Variants in ADAMTSL1 observed in about 807,000 individuals in gnomAD.
ADAMTSL1 encodes the protein ADAMTS like 1.
Under a neutral mutation model 201.8 loss-of-function variants are expected in ADAMTSL1, and 126 were observed. That is an observed-to-expected ratio of 0.62 (90% CI 0.54 to 0.72). The LOEUF (loss-of-function observed/expected upper bound fraction) is 0.72. Among genes scored for constraint, ADAMTSL1 ranks in the 30% least tolerant of loss-of-function variants. ADAMTSL1 has a pLI of 0.00. For synonymous variants in ADAMTSL1, 1,121 were observed against 903.4 expected (o/e 1.24, Z -4.32); for missense variants, 2,679 against 2,277.8 (o/e 1.18, Z -3.59).
At chr9:18,093,310 T>C (rs1387424022) in intron 1 of ADAMTSL1, among the ~76,000 whole-genome samples, 1 of 152,240 alleles carries the variant, frequency 6.6e-6, no homozygotes, top group African/African-American at 2.4e-5. Flanking sequence ...TTATCCTTTG[T>C]TATCTCATTC....
At chr9:18,010,732 T>C (rs950616947) in intron 1 of ADAMTSL1, among the ~76,000 whole-genome samples, 1 of 152,018 alleles carries the variant, frequency 6.6e-6, no homozygotes, top group African/African-American at 2.4e-5. Context: ...TTGTTCCATT[T>C]GGTCGATGTA....
intron 1 of ADAMTSL1, among the ~76,000 whole-genome samples, chr9:18,058,332 C>A (rs1234819349): frequency 6.6e-6 from 1 of 152,126 alleles, no homozygotes; most frequent in African/African-American, 2.4e-5. Context: ...TATAAGATTT[C>A]TACCAAGAGA....
chr9:18,489,725 T>C (rs1822175609), intron 1 of ADAMTSL1, among the ~76,000 whole-genome samples: 1 of 152,178 alleles, frequency 6.6e-6, no homozygotes, highest in African/African-American at 2.4e-5. Context: ...AAGTATTTGG[T>C]CATATTTCCC....
At chr9:18,231,269 C>G (rs181688346) in intron 2 of ADAMTSL1, among the ~76,000 whole-genome samples, 1 of 152,260 alleles carries the variant, frequency 6.6e-6, no homozygotes, top group East Asian at 1.9e-4. Flanking sequence ...TCCTCCCTAT[C>G]TCTCTAAATC....
At chr9:17,985,897 T>G (rs545732571) in intron 1 of ADAMTSL1, among the ~76,000 whole-genome samples, 2 of 152,154 alleles carry the variant, frequency 1.3e-5, no homozygotes, top group Non-Finnish European at 2.9e-5. Flanking sequence ...GAATCTGAAA[T>G]GCGTTGGCTA....
intron 4 of ADAMTSL1, among the ~76,000 whole-genome samples, chr9:18,585,717 C>A (rs13297702): frequency 0.058 from 8,823 of 152,120 alleles, 331 homozygotes; most frequent in Non-Finnish European, 0.086. Flanking sequence ...AAAATACTGG[C>A]AAACCCAATT....
At chr9:18,121,255 T>C (rs192784566) in intron 1 of ADAMTSL1, among the ~76,000 whole-genome samples, 1 of 152,330 alleles carries the variant, frequency 6.6e-6, no homozygotes, top group Non-Finnish European at 1.5e-5. Flanking sequence ...AAGCTGTGTG[T>C]AAAAGCCAGC....
At chr9:18,871,414 CTTCTTCA>C (rs1453438969) in intron 23 of ADAMTSL1, among the ~76,000 whole-genome samples, 1 of 152,102 alleles carries the variant, frequency 6.6e-6, no homozygotes, top group Non-Finnish European at 1.5e-5. Context: ...TCTCTTCTTC[CTTCTTCA>C]ATCACTGAAT....
intron 1 of ADAMTSL1, among the ~76,000 whole-genome samples, chr9:17,979,329 T>C (rs1818589833): frequency 6.6e-6 from 1 of 152,066 alleles, no homozygotes; most frequent in African/African-American, 2.4e-5. Flanking sequence ...GATGGTACCT[T>C]ATAAATTCCA....
At chr9:18,521,218 T>C (rs925013385) in intron 2 of ADAMTSL1, among the ~76,000 whole-genome samples, 1 of 152,108 alleles carries the variant, frequency 6.6e-6, no homozygotes, top group Admixed American at 6.6e-5. Flanking sequence ...TGTAAGCAAA[T>C]TTCTTATTAT....
intron 1 of ADAMTSL1, among the ~76,000 whole-genome samples, chr9:17,931,829 A>G (rs1290615716): frequency 6.6e-6 from 1 of 152,196 alleles, no homozygotes; most frequent in Admixed American, 6.6e-5. Flanking sequence ...GGTCAGAGCT[A>G]GACAATGATG....
intron 1 of ADAMTSL1, among the ~76,000 whole-genome samples, chr9:18,064,581 A>C (rs993095081): frequency 1.3e-5 from 2 of 152,152 alleles, no homozygotes; most frequent in Non-Finnish European, 2.9e-5. Context: ...TGAGAGCAGA[A>C]CTTCTCTCTC....
At chr9:18,436,805 A>G (rs1445360283) in intron 2 of ADAMTSL1, among the ~76,000 whole-genome samples, 3 of 152,100 alleles carry the variant, frequency 2.0e-5, no homozygotes, top group South Asian at 2.1e-4. Context: ...ACACTGTATT[A>G]TACAGCATTA....
intron 1 of ADAMTSL1, among the ~76,000 whole-genome samples, chr9:17,970,139 C>T (rs913345417): frequency 6.6e-6 from 1 of 151,934 alleles, no homozygotes. Context: ...ATCATTTTCC[C>T]CTAGTTCCCA....
intron 2 of ADAMTSL1, among the ~76,000 whole-genome samples, chr9:18,373,368 G>A (rs1360168796): frequency 6.6e-6 from 1 of 152,118 alleles, no homozygotes; most frequent in East Asian, 1.9e-4. Flanking sequence ...ACTTAATCCT[G>A]ATTATAAGCC....
At chr9:18,884,526 T>A (rs974436142) in intron 23 of ADAMTSL1, among the ~76,000 whole-genome samples, 2 of 152,120 alleles carry the variant, frequency 1.3e-5, no homozygotes, top group Non-Finnish European at 2.9e-5. Context: ...CGATTTTTTT[T>A]AAGAGTTTTA....
At chr9:18,812,974 T>C (rs1430265888) in intron 20 of ADAMTSL1, among the ~76,000 whole-genome samples, 1 of 150,070 alleles carries the variant, frequency 6.7e-6, no homozygotes, top group Admixed American at 6.6e-5. Flanking sequence ...GTACTTTTTT[T>C]TTTTTTTTTT....
intron 7 of ADAMTSL1, 71 bp downstream of exon 7, chr9:18,639,482 A>C: frequency 1.3e-6 from 2 of 1,547,538 alleles, no homozygotes; most frequent in Admixed American, 2.0e-5. Flanking sequence ...TCCTGAGCAG[A>C]GAGCGATTTT....
At chr9:18,067,337 G>C (rs1822751105) in intron 1 of ADAMTSL1, among the ~76,000 whole-genome samples, 1 of 152,008 alleles carries the variant, frequency 6.6e-6, no homozygotes, top group Admixed American at 6.6e-5. Flanking sequence ...ATAATGCATG[G>C]AACAATACCT....
Sources: gnomAD v4.1 joint callset for allele counts (sites outside exome capture counted in the v4.1 genomes callset) on GRCh38, gnomAD v4.1.1 for gene constraint, MANE v1.5 for transcripts, NCBI Gene and HGNC (gene_info 2026-07-23, HGNC 2026-07-21) for gene names.